LAPTM5: variants seen among roughly 807,000 people sequenced by gnomAD.
LAPTM5 encodes lysosomal protein transmembrane 5.
In LAPTM5, 11 loss-of-function variants were observed where a neutral mutation model predicts 30.1. That is an observed-to-expected ratio of 0.37 (90% CI 0.23 to 0.60). The LOEUF (loss-of-function observed/expected upper bound fraction) is 0.60, where lower values mean the gene tolerates loss of function less well. LAPTM5 is among the 20% of genes least tolerant of loss of function. The pLI is 0.71. For missense variants in LAPTM5, 324 were observed against 332.5 expected, an observed-to-expected ratio of 0.97 and a Z score of 0.20; for synonymous variants, 151 against 137.9, an observed-to-expected ratio of 1.10 and a Z score of -0.67.
intron 3 of LAPTM5, 138 bp downstream of exon 3, chr1:30,741,502 T>C (rs776148998): frequency 8.4e-6 from 4 of 476,368 alleles, no homozygotes; most frequent in Non-Finnish European, 7.4e-6. Flanking sequence ...CCAAAAGGTA[T>C]GTGTGAAGAT....
intron 1 of LAPTM5, among the ~76,000 whole-genome samples, chr1:30,755,316 G>A (rs1022442166): frequency 3.3e-5 from 5 of 151,464 alleles, no homozygotes; most frequent in South Asian, 2.1e-4. Context: ...TTCCTCTAAC[G>A]CACAATTCAC....
intron 1 of LAPTM5, among the ~76,000 whole-genome samples, chr1:30,754,671 C>T (rs933660202): frequency 1.3e-5 from 2 of 152,058 alleles, no homozygotes; most frequent in African/African-American, 4.8e-5. Context: ...TTTGGGTGAC[C>T]CAGAGAATCC....
chr1:30,750,910 G>A (rs1640128592), intron 1 of LAPTM5, among the ~76,000 whole-genome samples: 1 of 152,238 alleles, frequency 6.6e-6, no homozygotes, highest in Non-Finnish European at 1.5e-5. Flanking sequence ...CAGGGCTGAG[G>A]CAGTGCAGCT....
intron 1 of LAPTM5, among the ~76,000 whole-genome samples, chr1:30,749,849 G>C (rs1252309330): frequency 1.3e-5 from 2 of 152,226 alleles, no homozygotes; most frequent in Non-Finnish European, 2.9e-5. Context: ...TCATCCATGT[G>C]CTGAATACGC....
At chr1:30,757,631 C>T in intron 1 of LAPTM5, 28 bp downstream of exon 1, 1 of 1,607,568 alleles carries the variant, frequency 6.2e-7, no homozygotes, top group Non-Finnish European at 8.5e-7. Flanking sequence ...AGCACGCACG[C>T]ACACACACCC....
Position 30,753,807 on chromosome 1 carries a change from G to A in LAPTM5, c.87+3852C>T, listed in dbSNP as rs901629503. Among the ~76,000 whole-genome samples the A allele has an allele frequency of 5.9e-5, 9 of 152,128 alleles. 1 individual carries two copies. Among genetic ancestry groups the A allele is most frequent in the Admixed American group, 4.6e-4 (7 of 15,272 alleles). On this transcript the variant is annotated intron_variant, in intron 1 of 7. Transcript: ENST00000294507. Reference sequence around the variant, plus strand: ...TATTCATTCACCCATTGCAACAAACGCACCACACTAACGTTGAGACGTTAG... The same window carrying A: ...TATTCATTCACCCATTGCAACAAACACACCACACTAACGTTGAGACGTTAG...
chr1:30,736,096 G>A (rs1382640919), intron 6 of LAPTM5, among the ~76,000 whole-genome samples: 1 of 152,136 alleles, frequency 6.6e-6, no homozygotes, highest in Admixed American at 6.5e-5. Flanking sequence ...GTCTGCGGAG[G>A]GGTCCTGCAG....
intron 1 of LAPTM5, among the ~76,000 whole-genome samples, chr1:30,749,387 T>C (rs1428183639): frequency 3.3e-5 from 5 of 152,092 alleles, no homozygotes; most frequent in African/African-American, 1.2e-4. Context: ...GTCTGATTTC[T>C]TAGTTTGGGT....
chr1:30,737,801 AG>A, intron 5 of LAPTM5, 102 bp from the exon 6 acceptor site: 2 of 751,200 alleles, frequency 2.7e-6, no homozygotes, highest in Non-Finnish European at 4.5e-6. Flanking sequence ...CACACACACG[AG>A]CACAGCGTGG....
rs11541206 is a variant in LAPTM5, at chr1:30,737,604, C to G, written c.606G>C (p.Lys202Asn). The G allele has an allele frequency of 1.2e-6, 2 of 1,610,638 alleles. No homozygotes were observed. The highest frequency in any genetic ancestry group is 3.3e-5 in the Admixed American group (2 of 59,870). ...SIAFITVLIF[K>N]VYMFKCVWRC... ...AGCCGCAGGGCAGGGATCCACTCAC[C>G]TTGAAGATAAGGACAGTGATGAAGG... Residue 202 changes from lysine to asparagine, a missense_variant and splice_region_variant, in exon 6 of 8, where the codon AAG (lysine) becomes AAC (asparagine). Coordinates refer to ENST00000294507, the MANE Select transcript of LAPTM5 (RefSeq NM_006762.3).
At position 30,751,623 on chromosome 1, in the gene LAPTM5, C is replaced by T. The variant is rs1016102059; in HGVS notation, c.87+6036G>A. 3.3e-5 allele frequency among the ~76,000 whole-genome samples: 5 copies of T among 152,236 alleles called. No homozygotes were observed. In the South Asian group the frequency reaches 6.2e-4, roughly 19 times the overall value. ...GCATGATGGCACACACCTGTGATTC[C>T]AGCTACTTGGGAGGCTGAGGCACAA... On this transcript the variant is annotated intron_variant, in intron 1 of 7. Transcript: ENST00000294507.
intron 6 of LAPTM5, among the ~76,000 whole-genome samples, chr1:30,736,271 C>T (rs1639882348): frequency 6.6e-6 from 1 of 152,070 alleles, no homozygotes; most frequent in Non-Finnish European, 1.5e-5. Context: ...GCAGAGACTG[C>T]CCAGGGCCTC....
At chr1:30,748,088 C>T (rs532672492) in intron 1 of LAPTM5, among the ~76,000 whole-genome samples, 25 of 152,182 alleles carry the variant, frequency 1.6e-4, no homozygotes, top group African/African-American at 5.8e-4. Flanking sequence ...GGCCCAGGAC[C>T]CACCGTCTCA....
intron 1 of LAPTM5, among the ~76,000 whole-genome samples, chr1:30,755,003 C>T (rs1557469863): frequency 2.0e-5 from 3 of 152,232 alleles, no homozygotes; most frequent in Non-Finnish European, 2.9e-5. Flanking sequence ...AGCCCCCAGG[C>T]CCTGCCCTTT....
chr1:30,747,190 C>T (rs978734305), intron 1 of LAPTM5, among the ~76,000 whole-genome samples: 1 of 152,142 alleles, frequency 6.6e-6, no homozygotes, highest in South Asian at 2.1e-4. Flanking sequence ...TAGGAGTTTT[C>T]CAACACAGAA....
At chr1:30,749,977 G>T (rs772374354) in intron 1 of LAPTM5, among the ~76,000 whole-genome samples, 2 of 152,130 alleles carry the variant, frequency 1.3e-5, no homozygotes, top group African/African-American at 4.8e-5. Flanking sequence ...GAGATGTGAC[G>T]GCTCATGCAA....
intron 7 of LAPTM5, among the ~76,000 whole-genome samples, chr1:30,734,214 C>G (rs774236842): frequency 2.0e-4 from 30 of 152,190 alleles, no homozygotes; most frequent in Non-Finnish European, 3.8e-4. Flanking sequence ...AGAACTGGTC[C>G]CATCCCTCAG....
intron 1 of LAPTM5, among the ~76,000 whole-genome samples, chr1:30,744,624 A>ACTTGTTTTATAAGCTTCCTCTG (rs1457804526): frequency 2.0e-5 from 3 of 152,150 alleles, no homozygotes; most frequent in African/African-American, 7.2e-5. Context: ...GCCTGCATGT[A>ACTTGTTTTATAAGCTTCCTCTG]CTTGTTTTAT....
rs1268029326 is a variant in LAPTM5 at position 30,741,689 on chromosome 1, A to C, written c.209T>G (p.Ile70Ser). Residue 70 changes from isoleucine (I) to serine (S), a missense_variant, in exon 3 of 8, where the codon ATC (isoleucine) becomes AGC (serine). Coordinates refer to ENST00000294507, the MANE Select transcript of LAPTM5 (RefSeq NM_006762.3). ...IADLISSFLL[I>S]TMLFIISLSL... ...CAGGCTGATGATGAAGAGCATGGTG[A>C]TGAGCAGGAAGCTGGAGATCAGGTC... 1 of 1,608,736 alleles carries C rather than the reference A, an allele frequency of 6.2e-7. No homozygotes were observed. Among genetic ancestry groups the C allele is most frequent in the Non-Finnish European group, 8.5e-7 (1 of 1,177,530 alleles).
Sources: gnomAD v4.1 joint callset for allele counts (sites outside exome capture counted in the v4.1 genomes callset) on GRCh38, gnomAD v4.1.1 for gene constraint, MANE v1.5 for transcripts, NCBI Gene and HGNC (gene_info 2026-07-23, HGNC 2026-07-21) for gene names.